Variants in CDH13 observed in about 807,000 individuals in gnomAD.
The protein encoded by CDH13 is cadherin 13.
Under a neutral mutation model 63.8 loss-of-function variants are expected in CDH13, and 24 were observed. The observed-to-expected ratio is 0.38, with a 90% CI of 0.27 to 0.53. CDH13 has a LOEUF of 0.53. Among genes scored for constraint, CDH13 ranks in the 20% least tolerant of loss-of-function variants. The pLI, the probability that CDH13 is intolerant of heterozygous loss-of-function variation, is 0.85. For synonymous variants in CDH13, 503 were observed against 355.3 expected, an observed-to-expected ratio of 1.42 and a Z score of -4.67; for missense variants, 1,049 against 903.1, an observed-to-expected ratio of 1.16 and a Z score of -2.07.
At chr16:82,673,202 A>G (rs752584160) in intron 1 of CDH13, among the ~76,000 whole-genome samples, 3 of 151,660 alleles carry the variant, frequency 2.0e-5, no homozygotes, top group Non-Finnish European at 4.4e-5. Flanking sequence ...CCGGGTAGGA[A>G]TTTGGTAGAT....
intron 5 of CDH13, among the ~76,000 whole-genome samples, chr16:83,267,880 G>A (rs771460657): frequency 2.0e-5 from 3 of 152,176 alleles, no homozygotes; most frequent in African/African-American, 4.8e-5. Flanking sequence ...AAGTTCCCAT[G>A]CCCCACACAT....
At chr16:82,908,608 A>G (rs2041724698) in intron 2 of CDH13, among the ~76,000 whole-genome samples, 2 of 152,200 alleles carry the variant, frequency 1.3e-5, no homozygotes, top group Admixed American at 1.3e-4. Context: ...CCTTCCAAAC[A>G]TATTCTTCCC....
chr16:83,633,073 G>A (rs550465017), intron 8 of CDH13, among the ~76,000 whole-genome samples: 7 of 152,278 alleles, frequency 4.6e-5, no homozygotes, highest in Non-Finnish European at 7.3e-5. Context: ...TCTTGTTGCC[G>A]TCTTGGTTTT....
intron 3 of CDH13, among the ~76,000 whole-genome samples, chr16:83,115,302 G>T (rs909276102): frequency 6.6e-6 from 1 of 152,188 alleles, no homozygotes; most frequent in Non-Finnish European, 1.5e-5. Context: ...AATGGATTAA[G>T]TGAGATAATC....
chr16:82,709,452 T>A (rs1348324356), intron 1 of CDH13, among the ~76,000 whole-genome samples: 2 of 152,216 alleles, frequency 1.3e-5, no homozygotes, highest in Non-Finnish European at 2.9e-5. Flanking sequence ...GGCTTGGAAT[T>A]AGACTGCCTA....
chr16:82,884,894 A>G (rs1386885108), intron 2 of CDH13, among the ~76,000 whole-genome samples: 1 of 152,170 alleles, frequency 6.6e-6, no homozygotes, highest in Non-Finnish European at 1.5e-5. Context: ...GTTGCGTCAA[A>G]TTTTTATTTT....
At chr16:83,381,534 A>G (rs2091566877) in intron 6 of CDH13, among the ~76,000 whole-genome samples, 1 of 151,994 alleles carries the variant, frequency 6.6e-6, no homozygotes, top group African/African-American at 2.4e-5. Flanking sequence ...AACACATTAA[A>G]TGATAAGCTC....
chr16:82,919,422 C>T (rs1037922818), intron 2 of CDH13, among the ~76,000 whole-genome samples: 1 of 152,178 alleles, frequency 6.6e-6, no homozygotes, highest in African/African-American at 2.4e-5. Context: ...CATGTATTCT[C>T]ATCATTTAGC....
rs150808897 is a variant in CDH13 at position 83,329,170 on chromosome 16, A to T, written c.637-15692A>T. On this transcript the variant is annotated intron_variant, in intron 5 of 13. Transcript: ENST00000567109. ...AAATGCTTGTGGTTGAATTTCAGAAATCTGCATTCTTGCAGTTTTCAGATG... is the reference window on the plus strand; with the variant it reads ...AAATGCTTGTGGTTGAATTTCAGAATTCTGCATTCTTGCAGTTTTCAGATG... Among the ~76,000 whole-genome samples, 473 of 152,308 alleles carry T rather than the reference A, an allele frequency of 3.1e-3. 3 individuals carry two copies. The highest frequency in any genetic ancestry group is 0.011 in the African/African-American group (454 of 41,572).
At chr16:83,177,980 G>A (rs1272493470) in intron 4 of CDH13, among the ~76,000 whole-genome samples, 2 of 152,144 alleles carry the variant, frequency 1.3e-5, no homozygotes, top group African/African-American at 2.4e-5. Flanking sequence ...GATAGATTGA[G>A]GATGAGTGGG....
chr16:83,559,837 GC>G (rs1479481486), intron 7 of CDH13, among the ~76,000 whole-genome samples: 2 of 152,066 alleles, frequency 1.3e-5, no homozygotes, highest in Non-Finnish European at 2.9e-5. Context: ...GAAACTTGGT[GC>G]TTTCGTGCCT....
chr16:83,236,837 T>C (rs575817908), intron 5 of CDH13, among the ~76,000 whole-genome samples: 3 of 152,110 alleles, frequency 2.0e-5, no homozygotes, highest in African/African-American at 4.8e-5. Flanking sequence ...GGCCTACTTA[T>C]AGGTCTGGGT....
At chr16:82,837,052 T>C (rs1361277820) in intron 1 of CDH13, among the ~76,000 whole-genome samples, 1 of 152,206 alleles carries the variant, frequency 6.6e-6, no homozygotes, top group Non-Finnish European at 1.5e-5. Flanking sequence ...GATTAAAGTC[T>C]TAAAATGGGC....
chr16:82,853,488 C>G (rs993093449), intron 1 of CDH13, among the ~76,000 whole-genome samples: 2 of 152,164 alleles, frequency 1.3e-5, no homozygotes, highest in African/African-American at 4.8e-5. Flanking sequence ...AATTAACTCA[C>G]TTAATCCTCA....
At position 82,744,895 on chromosome 16, in the gene CDH13, T is replaced by A. The variant is rs561460717; in HGVS notation, c.46-113467T>A. Among the ~76,000 whole-genome samples the A allele has an allele frequency of 4.6e-5, 7 of 152,214 alleles. No homozygotes were observed. The South Asian group carries it at 1.5e-3, about 32-fold the overall frequency. ...GTGATACCCAGTTGTATCACTCTAATCCCCAGAGCCTGTGGCCACCATACA... is the reference window on the plus strand; with the variant it reads ...GTGATACCCAGTTGTATCACTCTAAACCCCAGAGCCTGTGGCCACCATACA... On this transcript the variant is annotated intron_variant, in intron 1 of 13. Transcript: ENST00000567109.
chr16:83,398,933 A>G (rs867739683), intron 6 of CDH13, among the ~76,000 whole-genome samples: 3 of 152,238 alleles, frequency 2.0e-5, no homozygotes, highest in Admixed American at 6.5e-5. Context: ...GTTGGAAGCA[A>G]TTTGGAAATA....
At chr16:82,994,904 A>G in intron 2 of CDH13, among the ~76,000 whole-genome samples, 1 of 152,218 alleles carries the variant, frequency 6.6e-6, no homozygotes, top group Admixed American at 6.5e-5. Flanking sequence ...GCCACATACT[A>G]GCTACATGAC....
intron 6 of CDH13, among the ~76,000 whole-genome samples, chr16:83,461,874 A>G (rs1034390860): frequency 1.3e-5 from 2 of 152,222 alleles, no homozygotes; most frequent in Admixed American, 6.5e-5. Context: ...AGATCTCACC[A>G]AAGCCAAACA....
chr16:83,263,551 C>T (rs571762720), intron 5 of CDH13, among the ~76,000 whole-genome samples: 1 of 152,258 alleles, frequency 6.6e-6, no homozygotes, highest in African/African-American at 2.4e-5. Context: ...AGCCACCGCC[C>T]ACTGAATGGT....
Sources: gnomAD v4.1 joint callset for allele counts (sites outside exome capture counted in the v4.1 genomes callset) on GRCh38, gnomAD v4.1.1 for gene constraint, MANE v1.5 for transcripts, NCBI Gene and HGNC (gene_info 2026-07-23, HGNC 2026-07-21) for gene names.